CPED1: variants seen among roughly 807,000 people sequenced by gnomAD.
The protein encoded by CPED1 is cadherin like and PC-esterase domain containing 1.
In CPED1, 114 loss-of-function variants were observed where a neutral mutation model predicts 128.2. The observed-to-expected ratio is 0.89, with a 90% confidence interval of 0.76 to 1.04. The LOEUF is 1.04. CPED1 is among the 50% of genes least tolerant of loss of function. The pLI, the probability that CPED1 is intolerant of heterozygous loss-of-function variation, is 0.00. For missense variants in CPED1, 1,211 were observed against 1,207.1 expected, an observed-to-expected ratio of 1.00 and a Z score of -0.05; for synonymous variants, 462 against 426.7, an observed-to-expected ratio of 1.08 and a Z score of -1.02.
chr7:120,993,236 A>G (rs2116730765), intron 2 of CPED1, among the ~76,000 whole-genome samples: 1 of 152,338 alleles, frequency 6.6e-6, no homozygotes, highest in South Asian at 2.1e-4. Context: ...AACATTTCAT[A>G]GCACAGGAAG....
chr7:121,274,601 C>T (rs1247367823), intron 22 of CPED1, among the ~76,000 whole-genome samples: 1 of 152,102 alleles, frequency 6.6e-6, no homozygotes, highest in African/African-American at 2.4e-5. Flanking sequence ...CTGATATGAT[C>T]ATCTTTCTCA....
At chr7:121,275,941 A>G (rs1792321887) in intron 22 of CPED1, among the ~76,000 whole-genome samples, 1 of 151,470 alleles carries the variant, frequency 6.6e-6, no homozygotes, top group African/African-American at 2.4e-5. Context: ...TCCGGTAAAA[A>G]AAAAAAAACT....
intron 5 of CPED1, among the ~76,000 whole-genome samples, chr7:121,086,476 G>C (rs1490675024): frequency 6.6e-6 from 1 of 152,082 alleles, no homozygotes; most frequent in Admixed American, 6.5e-5. Flanking sequence ...GTAGAATATG[G>C]CTCATGAGGG....
intron 5 of CPED1, among the ~76,000 whole-genome samples, chr7:121,080,534 G>A (rs1325672930): frequency 1.3e-5 from 2 of 152,146 alleles, no homozygotes; most frequent in African/African-American, 2.4e-5. Context: ...TGGGGATTAT[G>A]AAGACTGAGT....
intron 3 of CPED1, among the ~76,000 whole-genome samples, chr7:121,031,931 A>G (rs1792744368): frequency 6.6e-6 from 1 of 152,176 alleles, no homozygotes; most frequent in Admixed American, 6.5e-5. Context: ...GATAATTTAA[A>G]ATATAGTGTA....
chr7:121,147,695 G>A (rs1184460942), intron 16 of CPED1, among the ~76,000 whole-genome samples: 1 of 152,046 alleles, frequency 6.6e-6, no homozygotes, highest in South Asian at 2.1e-4. Context: ...ATAAATAAAA[G>A]CTACAGGAAG....
chr7:121,249,178 A>G (rs574425088), intron 18 of CPED1, among the ~76,000 whole-genome samples: 4 of 152,330 alleles, frequency 2.6e-5, no homozygotes, highest in Admixed American at 2.0e-4. Flanking sequence ...ATGAGATTAT[A>G]TAAACAGAAC....
intron 21 of CPED1, among the ~76,000 whole-genome samples, chr7:121,267,984 T>C (rs1317926762): frequency 2.0e-5 from 3 of 152,012 alleles, no homozygotes; most frequent in Non-Finnish European, 4.4e-5. Flanking sequence ...CAAAAATGTA[T>C]CTGCCTGGAC....
intron 18 of CPED1, among the ~76,000 whole-genome samples, chr7:121,254,349 T>C (rs1798754764): frequency 6.6e-6 from 1 of 152,050 alleles, no homozygotes; most frequent in South Asian, 2.1e-4. Flanking sequence ...ATTTAAAATT[T>C]GTTTGAAATT....
At chr7:121,061,322 AAAGAT>A (rs1793665604) in intron 4 of CPED1, 1 of 353,572 alleles carries the variant, frequency 2.8e-6, no homozygotes, top group African/African-American at 2.2e-5. Context: ...TAATTCTTTT[AAAGAT>A]ATGAAAGGAT....
intron 5 of CPED1, among the ~76,000 whole-genome samples, chr7:121,076,826 A>G (rs1371593551): frequency 2.0e-5 from 3 of 152,120 alleles, no homozygotes; most frequent in Admixed American, 2.0e-4. Flanking sequence ...TAAAGAAAAA[A>G]GTGAGGGTGT....
In CPED1 at chr7:121,261,647, C is replaced by T; in HGVS notation, c.2311-4580C>T. ...CTTCCTTCAGTTGGGTGTCGATGTC[C>T]AGAGAGTTCCTAGAAGCCGTAATTG... On this transcript the variant is annotated intron_variant, in intron 18 of 22. Transcript: ENST00000310396. 1.9e-6 allele frequency: 3 copies of T among 1,611,016 alleles called. No individual in the cohort carries two copies. In the Admixed American group the frequency reaches 5.0e-5, roughly 27 times the overall value.
At chr7:121,142,456 T>C (rs1795928502) in intron 16 of CPED1, among the ~76,000 whole-genome samples, 2 of 152,058 alleles carry the variant, frequency 1.3e-5, no homozygotes, top group South Asian at 4.1e-4. Context: ...AATTGGGCTA[T>C]TTTTCTTGGA....
chr7:121,175,189 G>T (rs965739448), intron 16 of CPED1, among the ~76,000 whole-genome samples: 5 of 152,056 alleles, frequency 3.3e-5, no homozygotes, highest in Non-Finnish European at 5.9e-5. Context: ...GACTTCCTCT[G>T]TTCCTATTTG....
At position 121,117,426 on chromosome 7, in the gene CPED1, C is replaced by T. The variant is rs141315939; in HGVS notation, c.919-6905C>T. On this transcript the variant is annotated intron_variant, in intron 7 of 22. Transcript: ENST00000310396. The stretch of plus-strand genomic sequence containing the variant: ...AAATTATATTCAAATACAACATGTA[C>T]ATTAAATTAAAAAATTATATCACTA... Among the ~76,000 whole-genome samples, 1,012 of 152,040 alleles carry T rather than the reference C, an allele frequency of 6.7e-3. 9 individuals carry two copies. The highest frequency in any genetic ancestry group is 0.023 in the African/African-American group (939 of 41,480).
intron 5 of CPED1, among the ~76,000 whole-genome samples, chr7:121,081,579 A>G (rs2116140152): frequency 6.6e-6 from 1 of 152,304 alleles, no homozygotes; most frequent in African/African-American, 2.4e-5. Context: ...TCATAGGGTT[A>G]GAGCAGCTGT....
At chr7:121,218,087 T>C (rs147069259) in intron 16 of CPED1, among the ~76,000 whole-genome samples, 222 of 151,414 alleles carry the variant, frequency 1.5e-3, no homozygotes, top group African/African-American at 4.8e-3. Context: ...CTGGTTCAGA[T>C]GATTCTCCTG....
intron 16 of CPED1, among the ~76,000 whole-genome samples, chr7:121,211,644 C>T (rs1797643927): frequency 6.8e-6 from 1 of 147,266 alleles, no homozygotes; most frequent in African/African-American, 2.5e-5. Flanking sequence ...GAAGGCAGAT[C>T]TGCTGAGCAT....
chr7:121,014,270 G>T (rs527788987), intron 2 of CPED1, among the ~76,000 whole-genome samples: 1 of 152,240 alleles, frequency 6.6e-6, no homozygotes, highest in South Asian at 2.1e-4. Context: ...ATGTAGAATT[G>T]GGCCGGGTGC....
Sources: allele counts gnomAD v4.1 joint callset (sites outside exome capture counted in the v4.1 genomes callset), GRCh38; gene constraint gnomAD v4.1.1; transcripts MANE v1.5; gene names NCBI Gene and HGNC (gene_info 2026-07-23, HGNC 2026-07-21).